CMSS1: variants seen among roughly 807,000 people sequenced by gnomAD.
The protein encoded by CMSS1 is protein CMSS1.
Under a neutral mutation model 43.5 loss-of-function variants are expected in CMSS1, and 33 were observed. The observed-to-expected ratio is 0.76, with a 90% CI of 0.57 to 1.01. The LOEUF (loss-of-function observed/expected upper bound fraction) is 1.01, where lower values mean the gene tolerates loss of function less well. CMSS1 is among the 50% of genes least tolerant of loss of function. CMSS1 has a pLI of 0.00. For missense variants in CMSS1, 313 were observed against 326.4 expected, an observed-to-expected ratio of 0.96 and a Z score of 0.32; for synonymous variants, 115 against 117.2, an observed-to-expected ratio of 0.98 and a Z score of 0.12.
rs55727823 is a variant in CMSS1, at chr3:99,872,269, CTGTGTGTGTGTGTGTGTGTGTGTGTG to C, written c.64+54255_64+54280del. On this transcript the variant is annotated intron_variant, in intron 1 of 9. Transcript: ENST00000421999. ...ATTCTGTGGATATTCTGTGCCAGGA[CTGTGTGTGTGTGTGTGTGTGTGTGTG>C]TGTGTGTGTGTGTGTGTGTGTGTGT... Among the ~76,000 whole-genome samples, 26 of 110,822 alleles carry C rather than the reference CTGTGTGTGTGTGTGTGTGTGTGTGTG, an allele frequency of 2.3e-4. 1 individual carries two copies. The East Asian group carries it at 3.2e-3, about 14-fold the overall frequency. The allele number at this position is 110,822 out of a possible 152,430, so 72.7% of individuals were successfully genotyped here.
intron 1 of CMSS1, among the ~76,000 whole-genome samples, chr3:99,983,389 A>AATAAATAAATAT (rs1302972402): frequency 2.7e-4 from 11 of 40,798 alleles, no homozygotes; most frequent in African/African-American, 1.1e-3. Flanking sequence ...TAAATAAATA[A>AATAAATAAATAT]ATATATATAT....
intron 1 of CMSS1, among the ~76,000 whole-genome samples, chr3:100,020,516 C>T (rs967081210): frequency 1.3e-5 from 2 of 152,048 alleles, no homozygotes; most frequent in South Asian, 2.1e-4. Context: ...GTAGGGCTTG[C>T]GAGACTTAGC....
intron 1 of CMSS1, among the ~76,000 whole-genome samples, chr3:100,064,455 G>A (rs577493680): frequency 6.6e-6 from 1 of 151,138 alleles, no homozygotes; most frequent in South Asian, 2.1e-4. Context: ...GTTCGTGTTT[G>A]CCAGCCCCTT....
intron 1 of CMSS1, among the ~76,000 whole-genome samples, chr3:99,830,985 T>C (rs750767223): frequency 4.6e-5 from 7 of 152,220 alleles, no homozygotes; most frequent in Non-Finnish European, 7.3e-5. Flanking sequence ...GAATATGGCA[T>C]TTGACTTGGG....
intron 1 of CMSS1, chr3:100,075,475 A>G (rs191704784): frequency 2.6e-5 from 4 of 152,076 alleles, no homozygotes; most frequent in East Asian, 3.9e-4. Flanking sequence ...TTGCATTTTT[A>G]TAAGTTCTCT....
intron 1 of CMSS1, among the ~76,000 whole-genome samples, chr3:99,959,108 T>C (rs1157521520): frequency 6.6e-6 from 1 of 152,216 alleles, no homozygotes; most frequent in Non-Finnish European, 1.5e-5. Context: ...AAAAAATTCA[T>C]TGTGTAAATG....
At chr3:100,113,322 G>A (rs982909493) in intron 1 of CMSS1, among the ~76,000 whole-genome samples, 3 of 152,084 alleles carry the variant, frequency 2.0e-5, no homozygotes, top group Non-Finnish European at 4.4e-5. Context: ...GATATCATTT[G>A]GCAGCAGCCT....
At chr3:100,054,793 C>G (rs911412837) in intron 1 of CMSS1, among the ~76,000 whole-genome samples, 5 of 152,160 alleles carry the variant, frequency 3.3e-5, no homozygotes, top group African/African-American at 9.7e-5. Context: ...CTCTGGATCC[C>G]GTAACCTTGC....
chr3:100,096,312 C>A (rs2066207387), intron 1 of CMSS1, among the ~76,000 whole-genome samples: 1 of 152,152 alleles, frequency 6.6e-6, no homozygotes, highest in Non-Finnish European at 1.5e-5. Flanking sequence ...TCTACACTCC[C>A]ATGTTCATTG....
At chr3:100,015,424 C>T (rs533057405) in intron 1 of CMSS1, among the ~76,000 whole-genome samples, 19 of 152,216 alleles carry the variant, frequency 1.2e-4, no homozygotes, top group Admixed American at 7.9e-4. Flanking sequence ...TGAAAAATCT[C>T]ATTAGAATTT....
rs2107536155 is a variant in CMSS1 at position 100,178,469 on chromosome 3, A to G, written c.*81A>G. On this transcript the variant is annotated 3_prime_UTR_variant, in exon 10 of 10. Transcript: ENST00000421999. ...TGACTCTGATACATTGCAAGCACTC[A>G]GTAAATATCAGCAAATAGTTTATGT... 2 of 786,360 alleles carry G rather than the reference A, an allele frequency of 2.5e-6. No homozygotes were observed. Among genetic ancestry groups the G allele is most frequent in the East Asian group, 2.5e-5 (1 of 39,378 alleles). The allele number at this position is 786,360 out of a possible 1,614,324, so 48.7% of individuals were successfully genotyped here. A position where few individuals can be genotyped will look rare whatever the true frequency, so the allele number is the denominator to read the frequency against.
intron 1 of CMSS1, among the ~76,000 whole-genome samples, chr3:100,074,913 C>T (rs111501591): frequency 0.32 from 47,773 of 151,380 alleles, 9,319 homozygotes; most frequent in East Asian, 0.49. Context: ...AGGCTGGTCT[C>T]GAACTCCTGA....
intron 1 of CMSS1, among the ~76,000 whole-genome samples, chr3:100,106,062 A>G (rs2066389929): frequency 6.6e-6 from 1 of 152,174 alleles, no homozygotes; most frequent in South Asian, 2.1e-4. Flanking sequence ...AATTAAATAA[A>G]ATATCCATAT....
rs1553715631 is a variant in CMSS1, at chr3:100,117,850, T to TAC, written c.65-29122_65-29121insCA. ...GTATATATATATATATATATATATATATACATATATATATATATATATATA... is the reference window on the plus strand; with the variant it reads ...GTATATATATATATATATATATATATACATACATATATATATATATATATATA... On this transcript the variant is annotated intron_variant, in intron 1 of 9. Transcript: ENST00000421999. Among the ~76,000 whole-genome samples, 719 of 94,242 alleles carry TAC rather than the reference T, an allele frequency of 7.6e-3. 10 individuals are homozygous for TAC. Among genetic ancestry groups the TAC allele is most frequent in the African/African-American group, 0.032 (649 of 20,548 alleles). 61.8% of individuals were successfully genotyped at this position (94,242 alleles called of 152,430 possible). A position where few individuals can be genotyped will look rare whatever the true frequency, so the allele number is the denominator to read the frequency against.
intron 1 of CMSS1, chr3:99,830,430 A>AC: frequency 2.2e-6 from 1 of 450,370 alleles, no homozygotes; most frequent in Non-Finnish European, 4.5e-6. Flanking sequence ...TCTCCCTCCC[A>AC]CGTGGAGGAA....
chr3:99,945,776 A>G (rs1707989702), intron 1 of CMSS1, among the ~76,000 whole-genome samples: 1 of 152,240 alleles, frequency 6.6e-6, no homozygotes, highest in Admixed American at 6.5e-5. Flanking sequence ...GGAAGCCTTC[A>G]TAAGGAAAGA....
intron 1 of CMSS1, among the ~76,000 whole-genome samples, chr3:99,928,437 T>C (rs909081708): frequency 2.0e-5 from 3 of 152,100 alleles, no homozygotes; most frequent in Admixed American, 6.6e-5. Context: ...TGTATGTATA[T>C]AGGGGTATCT....
At chr3:100,166,859 C>T (rs1460360421) in intron 5 of CMSS1, among the ~76,000 whole-genome samples, 1 of 152,082 alleles carries the variant, frequency 6.6e-6, no homozygotes, top group Non-Finnish European at 1.5e-5. Context: ...CTGTCTCAGC[C>T]TCCCAAGCAG....
At chr3:99,830,447 G>A (rs749166055) in intron 1 of CMSS1, 34 of 455,148 alleles carry the variant, frequency 7.5e-5, no homozygotes, top group African/African-American at 5.6e-4. Flanking sequence ...GGAAGGTGTT[G>A]GAGGTGACAG....
Sources: gnomAD v4.1 joint callset for allele counts (sites outside exome capture counted in the v4.1 genomes callset) on GRCh38, gnomAD v4.1.1 for gene constraint, MANE v1.5 for transcripts, NCBI Gene and HGNC (gene_info 2026-07-23, HGNC 2026-07-21) for gene names.